MAIP1: variants seen among roughly 807,000 people sequenced by gnomAD.
MAIP1 encodes matrix AAA peptidase interacting protein 1.
In MAIP1, 28 loss-of-function variants were observed where a neutral mutation model predicts 31.2. That is an observed-to-expected ratio of 0.90 (90% CI 0.67 to 1.23). The LOEUF (loss-of-function observed/expected upper bound fraction) is 1.23. MAIP1 is among the 50% of genes most tolerant of loss of function. The probability of loss-of-function intolerance (pLI) is 0.00; values close to 1 mark genes in which losing one functional copy is unlikely to be tolerated. For missense variants in MAIP1, 339 were observed against 356.0 expected, an observed-to-expected ratio of 0.95 and a Z score of 0.38; for synonymous variants, 142 against 142.3, an observed-to-expected ratio of 1.00 and a Z score of 0.02.
chr2:199,959,268 G>T lies in MAIP1; in HGVS notation c.451G>T (p.Ala151Ser), dbSNP rs1450002002. 6.5e-7 allele frequency: 1 copy of T among 1,549,656 alleles called. No homozygotes were observed. Among genetic ancestry groups the T allele is most frequent in the Non-Finnish European group, 8.9e-7 (1 of 1,123,192 alleles). ...ITEFSEGAKQ[A>S]FAHVSKLLSQ... is the part of the protein sequence containing the mutation. ...CACTTCCCTTAATATTTTTTTCAAG[G>T]CTTTTGCTCATGTATCCAAGTTGCT... The change falls in exon 2 of 5, where the codon GCT becomes TCT. Residue 151 changes from alanine (A) to serine (S), a missense_variant and splice_region_variant. Ala to Ser is a moderately conservative substitution (Grantham distance 99). Transcript: ENST00000392290.
rs1450002002 is a variant in MAIP1, at chr2:199,959,268, G to A, written c.451G>A (p.Ala151Thr). The A allele has an allele frequency of 3.2e-6, 5 of 1,549,538 alleles. No homozygotes were observed. The highest frequency in any genetic ancestry group is 4.5e-6 in the Non-Finnish European group (5 of 1,123,200). Residue 151 changes from alanine to threonine, a missense_variant and splice_region_variant, in exon 2 of 5, where the codon GCT becomes ACT. By Grantham distance (58) the Ala-to-Thr change is moderately conservative. Coordinates refer to ENST00000392290, the MANE Select transcript of MAIP1 (RefSeq NM_001394955.1). ...CACTTCCCTTAATATTTTTTTCAAG[G>A]CTTTTGCTCATGTATCCAAGTTGCT... is the stretch of plus-strand genomic sequence containing the variant. ...ITEFSEGAKQAFAHVSKLLSQ... is the reference protein window; with the variant it reads ...ITEFSEGAKQTFAHVSKLLSQ...
At chr2:199,963,163 G>A (rs546302187) in intron 4 of MAIP1, among the ~76,000 whole-genome samples, 2 of 152,048 alleles carry the variant, frequency 1.3e-5, no homozygotes, top group South Asian at 4.2e-4. Flanking sequence ...AATTTTTAAA[G>A]AGCACTGTCG....
chr2:199,955,844 T>TC lies in MAIP1; in HGVS notation c.47dup (p.Leu17AlafsTer43). The TC allele has an allele frequency of 1.3e-6, 2 of 1,523,282 alleles. No homozygotes were observed. The highest frequency in any genetic ancestry group is 1.8e-6 in the Non-Finnish European group (2 of 1,138,112). The allele number at this position is 1,523,282 out of a possible 1,614,324, so 94.4% of individuals were successfully genotyped here. The stretch of plus-strand genomic sequence containing the variant: ...GCTACCCCAGTTCCTGCACTCTCGG[T>TC]CGCTGCCCTGCGGGGCCGTCCGACT... On this transcript the variant is annotated frameshift_variant, in exon 1 of 5. Coordinates refer to ENST00000392290, the MANE Select transcript of MAIP1 (RefSeq NM_001394955.1). LOFTEE classifies it high-confidence loss of function.
Position 199,961,916 on chromosome 2 carries a change from G to C in MAIP1, c.785G>C (p.Ser262Thr), listed in dbSNP as rs971355743. 5 of 1,612,784 alleles carry C rather than the reference G, an allele frequency of 3.1e-6. No homozygotes were observed. The highest frequency in any genetic ancestry group is 4.2e-6 in the Non-Finnish European group (5 of 1,179,486). Residue 262 changes from serine to threonine, a missense_variant, in exon 4 of 5, where the codon AGT (serine) becomes ACT (threonine). Physicochemically the swap from Ser to Thr is moderately conservative, Grantham distance 58. Coordinates refer to ENST00000392290, the MANE Select transcript of MAIP1 (RefSeq NM_001394955.1). ...AATGTGGAAACTAAACAACTTCTTAGTGCAAGCTATGAGTAAGTTTAATCA... is the reference window on the plus strand; with the variant it reads ...AATGTGGAAACTAAACAACTTCTTACTGCAAGCTATGAGTAAGTTTAATCA... ...NQNVETKQLLSASYEFQREFT... is the reference protein window; with the variant it reads ...NQNVETKQLLTASYEFQREFT...
chr2:199,955,580 G>A (rs1288765224), upstream of MAIP1: 1 of 1,405,794 alleles, frequency 7.1e-7, no homozygotes, highest in Non-Finnish European at 9.7e-7. Flanking sequence ...CGCGAGGCCG[G>A]CAGACTCCAG....
chr2:199,956,068 C>G lies in MAIP1; in HGVS notation c.270C>G (p.Ala90=). 6.2e-7 allele frequency: 1 copy of G among 1,613,494 alleles called. No individual in the cohort carries two copies. The highest frequency in any genetic ancestry group is 8.5e-7 in the Non-Finnish European group (1 of 1,179,644). ...CCGCAGCCTTCGCTTCTTTCCCTGC[C>G]TGCCCTCAGCGCAGCTACAGCACGG... ...GLPAAFASFP[A]CPQRSYSTEE... is the part of the protein sequence containing the mutation. The change falls in exon 1 of 5, where the codon GCC becomes GCG. Residue 90 remains alanine (A), a synonymous_variant. Coordinates refer to ENST00000392290, the MANE Select transcript of MAIP1 (RefSeq NM_001394955.1).
chr2:199,961,729 G>GA, intron 3 of MAIP1, 52 bp from the exon 4 acceptor site: 1 of 1,508,028 alleles, frequency 6.6e-7, no homozygotes, highest in Non-Finnish European at 9.1e-7. Context: ...TTATATGGAT[G>GA]ATAGATTATT....
In MAIP1 at chr2:199,956,699, T is replaced by G. The variant is rs180917690; in HGVS notation, c.450+451T>G. Reference sequence around the variant, plus strand: ...TTAATAAATGGGTAAGATTGAAGAATAATTGAGATAACATTTCCAAAGTGC... The same window carrying G: ...TTAATAAATGGGTAAGATTGAAGAAGAATTGAGATAACATTTCCAAAGTGC... On this transcript the variant is annotated intron_variant, in intron 1 of 4. Coordinates refer to ENST00000392290, the MANE Select transcript of MAIP1 (RefSeq NM_001394955.1). Among the ~76,000 whole-genome samples, 185 of 152,350 alleles carry G rather than the reference T, an allele frequency of 1.2e-3. 1 individual carries two copies. The highest frequency in any genetic ancestry group is 3.5e-4 in the Non-Finnish European group (24 of 68,030).
chr2:199,955,540 C>G, upstream of MAIP1: 1 of 1,555,648 alleles, frequency 6.4e-7, no homozygotes, highest in Non-Finnish European at 8.7e-7. Context: ...GCGCCATCCG[C>G]CCGGAAACAC....
chr2:199,955,593 T>A lies in MAIP1; in HGVS notation c.-206T>A. On this transcript the variant is annotated 5_prime_UTR_variant, in exon 1 of 5. Coordinates refer to ENST00000392290, the MANE Select transcript of MAIP1 (RefSeq NM_001394955.1). ...TCCGCGAGGCCGGCAGACTCCAGAG[T>A]GGCTGGGTCCGAGCGCGGGGCGGGT... 2 of 1,337,338 alleles carry A rather than the reference T, an allele frequency of 1.5e-6. No individual in the cohort carries two copies. Among genetic ancestry groups the A allele is most frequent in the South Asian group, 1.4e-5 (1 of 71,240 alleles). The allele number at this position is 1,337,338 out of a possible 1,614,324, so 82.8% of individuals were successfully genotyped here.
In MAIP1 at chr2:199,963,946, C is replaced by T; in HGVS notation, c.*135C>T. 3.6e-6 allele frequency: 2 copies of T among 552,494 alleles called. No homozygotes were observed. The highest frequency in any genetic ancestry group is 6.4e-6 in the Non-Finnish European group (2 of 311,212). 34.2% of individuals were successfully genotyped at this position (552,494 alleles called of 1,614,324 possible). A position where few individuals can be genotyped will look rare whatever the true frequency, so the allele number is the denominator to read the frequency against. On this transcript the variant is annotated 3_prime_UTR_variant, in exon 5 of 5. Coordinates refer to ENST00000392290, the MANE Select transcript of MAIP1 (RefSeq NM_001394955.1). ...TTATATTATTTTGAAATACTCCTTG[C>T]AGTATATTGGCATGATACAGTAAAA...
In MAIP1 at chr2:199,955,659, G is replaced by A; in HGVS notation, c.-140G>A. On this transcript the variant is annotated 5_prime_UTR_variant, in exon 1 of 5. Coordinates refer to ENST00000392290, the MANE Select transcript of MAIP1 (RefSeq NM_001394955.1). Reference sequence around the variant, plus strand: ...GCCTGGGCTGCGTGCTGGAGAGCGGGGACGGGGCCGACTCACCAGAGGCTG... The same window carrying A: ...GCCTGGGCTGCGTGCTGGAGAGCGGAGACGGGGCCGACTCACCAGAGGCTG... 1 of 1,115,112 alleles carries A rather than the reference G, an allele frequency of 9.0e-7. No homozygotes were observed. The highest frequency in any genetic ancestry group is 1.6e-5 in the South Asian group (1 of 62,420). The allele number at this position is 1,115,112 out of a possible 1,614,324, so 69.1% of individuals were successfully genotyped here. A position where few individuals can be genotyped will look rare whatever the true frequency, so the allele number is the denominator to read the frequency against.
At chr2:199,956,284 A>G (rs1045581936) in intron 1 of MAIP1, 36 bp downstream of exon 1, 17 of 1,506,950 alleles carry the variant, frequency 1.1e-5, no homozygotes, top group African/African-American at 2.7e-5. Flanking sequence ...ATCCGTCTCT[A>G]ATGAGTTCAA....
intron 4 of MAIP1, among the ~76,000 whole-genome samples, chr2:199,962,979 A>C (rs2077644415): frequency 6.6e-6 from 1 of 152,188 alleles, no homozygotes. Context: ...AAATGACCTA[A>C]GAAATAAAAT....
intron 1 of MAIP1, among the ~76,000 whole-genome samples, chr2:199,958,324 A>T (rs2077618774): frequency 6.6e-6 from 1 of 152,098 alleles, no homozygotes; most frequent in South Asian, 2.1e-4. Context: ...TAACTTAATC[A>T]TCTCTTTAAG....
Position 199,955,856 on chromosome 2 carries a change from G to C in MAIP1, c.58G>C (p.Gly20Arg). The C allele has an allele frequency of 6.5e-7, 1 of 1,529,420 alleles. No homozygotes were observed. The highest frequency in any genetic ancestry group is 8.8e-7 in the Non-Finnish European group (1 of 1,140,978). 94.7% of individuals were successfully genotyped at this position (1,529,420 alleles called of 1,614,324 possible). Residue 20 changes from glycine (G) to arginine (R), a missense_variant, in exon 1 of 5, where the codon GGG becomes CGG. By Grantham distance (125) the Gly-to-Arg change is moderately radical (BLOSUM62 -2). Coordinates refer to ENST00000392290, the MANE Select transcript of MAIP1 (RefSeq NM_001394955.1). ...CCTGCACTCTCGGTCGCTGCCCTGC[G>C]GGGCCGTCCGACTCCGGACTCCTGC... ...QFLHSRSLPC[G>R]AVRLRTPAVA...
Position 199,956,155 on chromosome 2 carries a change from C to A in MAIP1, c.357C>A (p.Ile119=), listed in dbSNP as rs751735394. 6.2e-7 allele frequency: 1 copy of A among 1,614,204 alleles called. No homozygotes were observed. Among genetic ancestry groups the A allele is most frequent in the Non-Finnish European group, 8.5e-7 (1 of 1,180,016 alleles). ...TCGTCCTGGGATTCTCCAACCCCATCAACTGGGTTAGGACTCGAATTAAGG... is the reference window on the plus strand; with the variant it reads ...TCGTCCTGGGATTCTCCAACCCCATAAACTGGGTTAGGACTCGAATTAAGG... ...KMIVLGFSNP[I]NWVRTRIKAF... is the part of the protein sequence containing the mutation. Residue 119 remains isoleucine, a synonymous_variant, in exon 1 of 5, where the codon ATC becomes ATA. Transcript: ENST00000392290.
chr2:199,955,608 G>A lies in MAIP1; in HGVS notation c.-191G>A. ...GACTCCAGAGTGGCTGGGTCCGAGCGCGGGGCGGGTTGCCGAAGGGCCTCG... is the reference window on the plus strand; with the variant it reads ...GACTCCAGAGTGGCTGGGTCCGAGCACGGGGCGGGTTGCCGAAGGGCCTCG... On this transcript the variant is annotated 5_prime_UTR_variant, in exon 1 of 5. Coordinates refer to ENST00000392290, the MANE Select transcript of MAIP1 (RefSeq NM_001394955.1). The A allele has an allele frequency of 7.9e-7, 1 of 1,273,784 alleles. No individual in the cohort carries two copies. The highest frequency in any genetic ancestry group is 1.5e-5 in the South Asian group (1 of 68,700). The allele number at this position is 1,273,784 out of a possible 1,614,324, so 78.9% of individuals were successfully genotyped here.
At chr2:199,958,264 T>TA (rs371347677) in intron 1 of MAIP1, among the ~76,000 whole-genome samples, 12 of 152,136 alleles carry the variant, frequency 7.9e-5, no homozygotes, top group Non-Finnish European at 1.8e-4. Flanking sequence ...TTGCTCCTCT[T>TA]ATAAGGATGC....
Sources: allele counts gnomAD v4.1 joint callset (sites outside exome capture counted in the v4.1 genomes callset), GRCh38; gene constraint gnomAD v4.1.1; transcripts MANE v1.5; gene names NCBI Gene and HGNC (gene_info 2026-07-23, HGNC 2026-07-21).